Variants in TMCC1 observed in about 807,000 individuals in gnomAD.
The protein encoded by TMCC1 is transmembrane and coiled-coil domain family 1, also known as transmembrane and coiled-coil domains protein 1.
A neutral mutation model predicts 52.4 loss-of-function variants in TMCC1; 15 were observed. The ratio of observed to expected loss-of-function variants is 0.29; its 90% CI spans 0.19 to 0.44. The LOEUF (loss-of-function observed/expected upper bound fraction) is 0.44, where lower values mean the gene tolerates loss of function less well. Ranked by LOEUF, TMCC1 falls within the 20% of genes least tolerant of loss-of-function variation. TMCC1 has a pLI of 1.00. For missense variants in TMCC1, 503 were observed against 806.0 expected, an observed-to-expected ratio of 0.62 and a Z score of 4.55; for synonymous variants, 279 against 301.9, an observed-to-expected ratio of 0.92 and a Z score of 0.79.
intron 4 of TMCC1, among the ~76,000 whole-genome samples, chr3:129,826,268 G>A (rs139836188): frequency 7.9e-5 from 12 of 151,518 alleles, no homozygotes; most frequent in African/African-American, 2.7e-4. Flanking sequence ...TTGGGAGGCT[G>A]AGGTGGATGG....
At chr3:129,702,250 T>TTTTG (rs1491576588) in intron 4 of TMCC1, among the ~76,000 whole-genome samples, 2 of 111,202 alleles carry the variant, frequency 1.8e-5, no homozygotes, top group African/African-American at 1.2e-4. Flanking sequence ...TCCCCAATTG[T>TTTTG]TTTTTTTTTT....
intron 2 of TMCC1, among the ~76,000 whole-genome samples, chr3:129,874,743 G>C (rs950408552): frequency 6.6e-6 from 1 of 152,052 alleles, no homozygotes; most frequent in African/African-American, 2.4e-5. Context: ...TGTAGTCCTA[G>C]CTACTTGGGA....
At chr3:129,769,546 T>A (rs1424735926) in intron 4 of TMCC1, among the ~76,000 whole-genome samples, 1 of 151,796 alleles carries the variant, frequency 6.6e-6, no homozygotes, top group Non-Finnish European at 1.5e-5. Context: ...GAGATTTTTT[T>A]TTTTTTTTTT....
intron 4 of TMCC1, among the ~76,000 whole-genome samples, chr3:129,780,221 A>C (rs2055408360): frequency 6.6e-6 from 1 of 152,170 alleles, no homozygotes; most frequent in Non-Finnish European, 1.5e-5. Flanking sequence ...ATTTAGGTTC[A>C]AGCCCTCAAT....
intron 4 of TMCC1, among the ~76,000 whole-genome samples, chr3:129,761,741 T>C (rs932706199): frequency 6.6e-6 from 1 of 151,936 alleles, no homozygotes; most frequent in Non-Finnish European, 1.5e-5. Context: ...CTGTAATCCC[T>C]GCACTTTGGG....
At chr3:129,779,575 T>C (rs1487250185) in intron 4 of TMCC1, among the ~76,000 whole-genome samples, 1 of 152,208 alleles carries the variant, frequency 6.6e-6, no homozygotes, top group Admixed American at 6.5e-5. Context: ...AAAGTTGTTT[T>C]AAAAACATAC....
chr3:129,841,562 AAC>A (rs2107869126), intron 2 of TMCC1, among the ~76,000 whole-genome samples: 1 of 152,302 alleles, frequency 6.6e-6, no homozygotes, highest in East Asian at 1.9e-4. Flanking sequence ...CAGCCTGGGC[AAC>A]AGAGTGAGAC....
intron 4 of TMCC1, among the ~76,000 whole-genome samples, chr3:129,695,765 T>G (rs758935840): frequency 1.3e-5 from 2 of 152,096 alleles, no homozygotes; most frequent in Non-Finnish European, 2.9e-5. Context: ...CTCCCAAATC[T>G]CATGTCCTCA....
intron 2 of TMCC1, among the ~76,000 whole-genome samples, chr3:129,851,773 G>T (rs1399987431): frequency 1.3e-5 from 2 of 152,182 alleles, no homozygotes; most frequent in African/African-American, 4.8e-5. Context: ...GCCTCGAAGA[G>T]ATACCTATAC....
At chr3:129,784,711 G>A (rs1280012477) in intron 4 of TMCC1, among the ~76,000 whole-genome samples, 1 of 152,016 alleles carries the variant, frequency 6.6e-6, no homozygotes, top group Non-Finnish European at 1.5e-5. Context: ...GTTCGCACTT[G>A]TAATCCCAGC....
intron 2 of TMCC1, among the ~76,000 whole-genome samples, chr3:129,875,050 C>T (rs1044173751): frequency 6.6e-6 from 1 of 152,054 alleles, no homozygotes; most frequent in Admixed American, 6.6e-5. Flanking sequence ...CATATGCCCA[C>T]ACTGCATTAA....
chr3:129,800,897 C>T lies in TMCC1; in HGVS notation c.576+26906G>A, dbSNP rs563933920. Among the ~76,000 whole-genome samples, 7 of 149,688 alleles carry T rather than the reference C, an allele frequency of 4.7e-5. No homozygotes were observed. The East Asian group carries it at 7.8e-4, about 17-fold the overall frequency. Reference sequence around the variant, plus strand: ...TTACAAGGTATTTCATGTGCTGATACGTTTTCCCTCTCTGCACATCTCACA... The same window carrying T: ...TTACAAGGTATTTCATGTGCTGATATGTTTTCCCTCTCTGCACATCTCACA... On this transcript the variant is annotated intron_variant, in intron 4 of 6. Coordinates refer to ENST00000393238, the MANE Select transcript of TMCC1 (RefSeq NM_001017395.5).
At chr3:129,749,862 A>G (rs1384514410) in intron 4 of TMCC1, among the ~76,000 whole-genome samples, 1 of 147,058 alleles carries the variant, frequency 6.8e-6, no homozygotes, top group Non-Finnish European at 1.5e-5. Flanking sequence ...CAATATTTGA[A>G]TCTATGATTC....
intron 4 of TMCC1, among the ~76,000 whole-genome samples, chr3:129,689,890 G>T (rs2089668286): frequency 6.6e-6 from 1 of 152,134 alleles, no homozygotes; most frequent in African/African-American, 2.4e-5. Flanking sequence ...AAATTAGGTG[G>T]TAAGGTTTCA....
Position 129,867,993 on chromosome 3 carries a change from A to G in TMCC1, c.-184+12316T>C, listed in dbSNP as rs148091332. Among the ~76,000 whole-genome samples, 460 of 152,338 alleles carry G rather than the reference A, an allele frequency of 3.0e-3. 2 individuals are homozygous for G. The highest frequency in any genetic ancestry group is 0.011 in the African/African-American group (445 of 41,586). On this transcript the variant is annotated intron_variant, in intron 2 of 6. Coordinates refer to ENST00000393238, the MANE Select transcript of TMCC1 (RefSeq NM_001017395.5). Reference sequence around the variant, plus strand: ...TAGGCACTACGTTAGACTAGTACCCATTCTTGTACATCAAGATACTTCCCA... The same window carrying G: ...TAGGCACTACGTTAGACTAGTACCCGTTCTTGTACATCAAGATACTTCCCA...
Position 129,827,607 on chromosome 3 carries a change from G to A in TMCC1, c.576+196C>T. ...ATAAAATATAGCACTATGTTAGGAA[G>A]GAAATAGGAATATAATTCTAAGCAT... On this transcript the variant is annotated intron_variant, in intron 4 of 6. Coordinates refer to ENST00000393238, the MANE Select transcript of TMCC1 (RefSeq NM_001017395.5). 3 of 608,356 alleles carry A rather than the reference G, an allele frequency of 4.9e-6. No homozygotes were observed. The East Asian group carries it at 8.3e-5, about 17-fold the overall frequency. 37.7% of individuals were successfully genotyped at this position (608,356 alleles called of 1,614,324 possible).
intron 2 of TMCC1, among the ~76,000 whole-genome samples, chr3:129,853,607 C>T (rs1331845829): frequency 7.7e-6 from 1 of 129,552 alleles, no homozygotes; most frequent in African/African-American, 3.0e-5. Flanking sequence ...CCAGCCTGGG[C>T]AACAGAGTGA....
intron 4 of TMCC1, among the ~76,000 whole-genome samples, chr3:129,779,137 CA>C (rs1269101258): frequency 1.3e-5 from 2 of 152,088 alleles, no homozygotes; most frequent in African/African-American, 4.8e-5. Context: ...CTAGCAGCAG[CA>C]AATCAGCTAA....
intron 4 of TMCC1, among the ~76,000 whole-genome samples, chr3:129,826,294 G>T (rs1164412112): frequency 6.7e-6 from 1 of 150,140 alleles, no homozygotes; most frequent in Non-Finnish European, 1.5e-5. Context: ...TTGAACTCAG[G>T]AGTTTGAGAC....
Sources: gnomAD v4.1 joint callset for allele counts (sites outside exome capture counted in the v4.1 genomes callset) on GRCh38, gnomAD v4.1.1 for gene constraint, MANE v1.5 for transcripts, NCBI Gene and HGNC (gene_info 2026-07-23, HGNC 2026-07-21) for gene names.